MTARC1: variants seen among roughly 807,000 people sequenced by gnomAD.
MTARC1 encodes mitochondrial amidoxime reducing component 1.
MTARC1 carries 24 observed loss-of-function variants against 33.6 expected under a neutral mutation model. The observed-to-expected ratio is 0.72, with a 90% confidence interval of 0.52 to 1.01. The LOEUF is 1.01. Ranked by LOEUF, MTARC1 falls within the 50% of genes least tolerant of loss-of-function variation. MTARC1 has a pLI of 0.00. For missense variants in MTARC1, 417 were observed against 445.7 expected, an observed-to-expected ratio of 0.94 and a Z score of 0.58; for synonymous variants, 187 against 189.5, an observed-to-expected ratio of 0.99 and a Z score of 0.11.
chr1:220,791,528 A>G lies in MTARC1; in HGVS notation c.313A>G (p.Thr105Ala). 1.2e-6 allele frequency: 2 copies of G among 1,614,158 alleles called. No homozygotes were observed. Among genetic ancestry groups the G allele is most frequent in the Non-Finnish European group, 1.7e-6 (2 of 1,180,030 alleles). Residue 105 changes from threonine (T) to alanine (A), a missense_variant, in exon 2 of 7, where the codon ACT (threonine) becomes GCT (alanine). Coordinates refer to ENST00000366910, the MANE Select transcript of MTARC1 (RefSeq NM_022746.4). ...LVINQEGNMVTARQEPRLVLI... is the reference protein window; with the variant it reads ...LVINQEGNMVAARQEPRLVLI... ...GATCAACCAGGAGGGAAACATGGTT[A>G]CTGCTCGCCAGGAACCTCGCCTGGT...
Position 220,817,484 on chromosome 1 carries a change from A to G in MTARC1, c.*4066A>G, listed in dbSNP as rs1673305986. On this transcript the variant is annotated 3_prime_UTR_variant, in exon 7 of 7. Coordinates refer to ENST00000366910, the MANE Select transcript of MTARC1 (RefSeq NM_022746.4). ...CTGCCCATGTCCTGCTGATTGCTCC[A>G]TTTTACAGAGTGCTGATTGGTCCAT... 1 of 151,922 alleles carries G rather than the reference A, an allele frequency of 6.6e-6. No individual in the cohort carries two copies. The highest frequency in any genetic ancestry group is 1.5e-5 in the Non-Finnish European group (1 of 68,050). The allele number at this position is 151,922 out of a possible 1,614,324, so 9.4% of individuals were successfully genotyped here. A position where few individuals can be genotyped will look rare whatever the true frequency, so the allele number is the denominator to read the frequency against.
At position 220,799,583 on chromosome 1, in the gene MTARC1, C is replaced by T. The variant is rs557777910; in HGVS notation, c.753+1569C>T. ...AGTATGTTGTCTCTTCTATGCCTCA[C>T]GGCAGCCCAGCGGGATAAAGCTATC... On this transcript the variant is annotated intron_variant, in intron 4 of 6. Coordinates refer to ENST00000366910, the MANE Select transcript of MTARC1 (RefSeq NM_022746.4). 2.9e-4 allele frequency among the ~76,000 whole-genome samples: 44 copies of T among 152,292 alleles called. 1 individual carries two copies. In the South Asian group the frequency reaches 3.5e-3, roughly 12 times the overall value.
At chr1:220,804,988 C>T (rs1672927011) in intron 4 of MTARC1, 64 bp from the exon 5 acceptor site, 2 of 1,570,632 alleles carry the variant, frequency 1.3e-6, no homozygotes, top group Admixed American at 1.7e-5. Flanking sequence ...CCTGGGAAAT[C>T]TCTACACACG....
intron 6 of MTARC1, among the ~76,000 whole-genome samples, chr1:220,812,916 A>G (rs1466554605): frequency 6.6e-6 from 1 of 151,810 alleles, no homozygotes; most frequent in Non-Finnish European, 1.5e-5. Context: ...AGTAGAGATG[A>G]GGTTTCACCG....
intron 6 of MTARC1, among the ~76,000 whole-genome samples, chr1:220,809,911 C>T (rs911745359): frequency 2.0e-5 from 3 of 152,234 alleles, no homozygotes; most frequent in African/African-American, 7.2e-5. Flanking sequence ...TGACCAGATA[C>T]TCTGCCTGGA....
At chr1:220,800,263 C>G (rs947390217) in intron 4 of MTARC1, among the ~76,000 whole-genome samples, 1 of 152,218 alleles carries the variant, frequency 6.6e-6, no homozygotes, top group African/African-American at 2.4e-5. Context: ...GGCGGTAACA[C>G]AATGGTGGCT....
In MTARC1 at chr1:220,791,598, C is replaced by T. The variant is rs1672422770; in HGVS notation, c.383C>T (p.Ala128Val). The T allele has an allele frequency of 1.2e-6, 2 of 1,614,064 alleles. No homozygotes were observed. The highest frequency in any genetic ancestry group is 1.1e-5 in the South Asian group (1 of 91,088). Residue 128 changes from alanine to valine, a missense_variant, in exon 2 of 7, where the codon GCA becomes GTA. Transcript: ENST00000366910. Reference sequence around the variant, plus strand: ...GATGGTGACACCCTGACTCTCAGTGCAGCCTACACAAAGGACCTACTACTG... The same window carrying T: ...GATGGTGACACCCTGACTCTCAGTGTAGCCTACACAAAGGACCTACTACTG... ...TCDGDTLTLS[A>V]AYTKDLLLPI... is the part of the protein sequence containing the mutation.
rs137975655 is a variant in MTARC1, at chr1:220,805,074, T to C, written c.776T>C (p.Ile259Thr). Residue 259 changes from isoleucine to threonine, a missense_variant, in exon 5 of 7, where the codon ATT (isoleucine) becomes ACT (threonine). Ile to Thr is a moderately conservative substitution (Grantham distance 89, BLOSUM62 -1). Coordinates refer to ENST00000366910, the MANE Select transcript of MTARC1 (RefSeq NM_022746.4). ...TAGGATTCTTGGGATGAGCTTCTTA[T>C]TGGTGACGTGGAACTGAAAAGGGTG... is the stretch of plus-strand genomic sequence containing the variant. Reference protein sequence around the residue: ...YAEDSWDELLIGDVELKRVMA... With the variant: ...YAEDSWDELLTGDVELKRVMA... 31 of 1,614,010 alleles carry C rather than the reference T, an allele frequency of 1.9e-5. No homozygotes were observed. The highest frequency in any genetic ancestry group is 2.6e-5 in the Non-Finnish European group (31 of 1,180,018).
At chr1:220,799,151 A>C (rs768819262) in intron 4 of MTARC1, 1 of 985,422 alleles carries the variant, frequency 1.0e-6, no homozygotes. Flanking sequence ...TAAAAGCAAT[A>C]TCAATCGATG....
rs1407307304 is a variant in MTARC1, at chr1:220,814,367, G to T, written c.*949G>T. 1 of 152,180 alleles carries T rather than the reference G, an allele frequency of 6.6e-6. No homozygotes were observed. Among genetic ancestry groups the T allele is most frequent in the Non-Finnish European group, 1.5e-5 (1 of 68,034 alleles). The allele number at this position is 152,180 out of a possible 1,614,324, so 9.4% of individuals were successfully genotyped here. On this transcript the variant is annotated 3_prime_UTR_variant, in exon 7 of 7. Transcript: ENST00000366910. Reference sequence around the variant, plus strand: ...ACTTGAAAAATGTTTTTAAAACTGTGAATAAATGGAAGCTACTTTGACTAG... The same window carrying T: ...ACTTGAAAAATGTTTTTAAAACTGTTAATAAATGGAAGCTACTTTGACTAG...
In MTARC1 at chr1:220,789,825, A is replaced by G. The variant is rs569225534; in HGVS notation, c.276-1666A>G. Among the ~76,000 whole-genome samples, 7 of 152,352 alleles carry G rather than the reference A, an allele frequency of 4.6e-5. No individual in the cohort carries two copies. In the South Asian group the frequency reaches 1.5e-3, roughly 32 times the overall value. ...ATAAGCTAGACACAAAAGGACAAAT[A>G]TTGCATAATTCCAATTATATGAAAT... On this transcript the variant is annotated intron_variant, in intron 1 of 6. Coordinates refer to ENST00000366910, the MANE Select transcript of MTARC1 (RefSeq NM_022746.4).
At chr1:220,801,480 T>C (rs753108585) in intron 4 of MTARC1, among the ~76,000 whole-genome samples, 1 of 152,068 alleles carries the variant, frequency 6.6e-6, no homozygotes, top group Non-Finnish European at 1.5e-5. Flanking sequence ...CCCTGGTACA[T>C]AGAAGGTGTG....
chr1:220,794,606 A>G (rs1672545240), intron 2 of MTARC1, among the ~76,000 whole-genome samples: 1 of 152,046 alleles, frequency 6.6e-6, no homozygotes, highest in Non-Finnish European at 1.5e-5. Context: ...GATTAATACT[A>G]GGTTAGAATG....
In MTARC1 at chr1:220,809,536, G is replaced by A. The variant is rs530790437; in HGVS notation, c.888-3756G>A. On this transcript the variant is annotated intron_variant, in intron 6 of 6. Coordinates refer to ENST00000366910, the MANE Select transcript of MTARC1 (RefSeq NM_022746.4). Reference sequence around the variant, plus strand: ...TAATTTATTTATTTATTGAGACAGAGTCTTACTCTGTCACCCAGGCTGGAG... The same window carrying A: ...TAATTTATTTATTTATTGAGACAGAATCTTACTCTGTCACCCAGGCTGGAG... Among the ~76,000 whole-genome samples the A allele has an allele frequency of 1.3e-3, 168 of 131,138 alleles. 1 individual carries two copies. Among genetic ancestry groups the A allele is most frequent in the Non-Finnish European group, 2.5e-3 (145 of 57,398 alleles). 86.0% of individuals were successfully genotyped at this position (131,138 alleles called of 152,430 possible). A position where few individuals can be genotyped will look rare whatever the true frequency, so the allele number is the denominator to read the frequency against.
intron 6 of MTARC1, among the ~76,000 whole-genome samples, chr1:220,812,756 G>A (rs1416960118): frequency 6.7e-6 from 1 of 149,206 alleles, no homozygotes; most frequent in Non-Finnish European, 1.5e-5. Context: ...ACGGAGTCTT[G>A]CTCCATTGCC....
At chr1:220,797,836 T>C (rs372870039) in intron 3 of MTARC1, 38 bp from the exon 4 acceptor site, 2 of 1,602,464 alleles carry the variant, frequency 1.2e-6, no homozygotes, top group Non-Finnish European at 1.7e-6. Flanking sequence ...GAAAAGTTGG[T>C]GTGCCATGTG....
At chr1:220,788,011 A>AAAAGAAAG (rs1013198565) in intron 1 of MTARC1, among the ~76,000 whole-genome samples, 38 of 152,044 alleles carry the variant, frequency 2.5e-4, no homozygotes, top group African/African-American at 9.2e-4. Context: ...CCGAATCAAA[A>AAAAGAAAG]AAAGAAAGAA....
intron 1 of MTARC1, among the ~76,000 whole-genome samples, chr1:220,788,019 G>GAAAAA (rs752123607): frequency 2.7e-3 from 405 of 151,070 alleles, no homozygotes; most frequent in Middle Eastern, 0.014. Context: ...AAAAAAGAAA[G>GAAAAA]AAAGAAAGAA....
Position 220,819,168 on chromosome 1 carries a change from G to A in MTARC1, c.*5750G>A, listed in dbSNP as rs1314828527. ...ATTAGGCTCAATTGCTTTAAAAAAT[G>A]ATGTGTGCATACTTTAGGAACGTTT... is the stretch of plus-strand genomic sequence containing the variant. On this transcript the variant is annotated 3_prime_UTR_variant, in exon 7 of 7. Coordinates refer to ENST00000366910, the MANE Select transcript of MTARC1 (RefSeq NM_022746.4). 1 of 152,168 alleles carries A rather than the reference G, an allele frequency of 6.6e-6. No homozygotes were observed. The highest frequency in any genetic ancestry group is 2.4e-5 in the African/African-American group (1 of 41,450). The allele number at this position is 152,168 out of a possible 1,614,324, so 9.4% of individuals were successfully genotyped here.
Sources: allele counts gnomAD v4.1 joint callset (sites outside exome capture counted in the v4.1 genomes callset), GRCh38; gene constraint gnomAD v4.1.1; transcripts MANE v1.5; gene names NCBI Gene and HGNC (gene_info 2026-07-23, HGNC 2026-07-21).